The following PTPRC variants were observed in gnomAD, a reference collection of about 807,000 sequenced individuals.
PTPRC encodes the protein receptor-type tyrosine-protein phosphatase C.
In PTPRC, 44 loss-of-function variants were observed where a neutral mutation model predicts 155.9. The ratio of observed to expected loss-of-function variants is 0.28; its 90% confidence interval spans 0.22 to 0.36. The LOEUF (loss-of-function observed/expected upper bound fraction) is 0.36, where lower values mean the gene tolerates loss of function less well. Among genes scored for constraint, PTPRC ranks in the 10% least tolerant of loss-of-function variants. The pLI, the probability that PTPRC is intolerant of heterozygous loss-of-function variation, is 1.00. For missense variants in PTPRC, 1,401 were observed against 1,564.6 expected, an observed-to-expected ratio of 0.90 and a Z score of 1.76; for synonymous variants, 525 against 533.1, an observed-to-expected ratio of 0.98 and a Z score of 0.21.
At chr1:198,642,497 T>A (rs1332731042) in intron 2 of PTPRC, among the ~76,000 whole-genome samples, 2 of 151,884 alleles carry the variant, frequency 1.3e-5, no homozygotes, top group Non-Finnish European at 2.9e-5. Context: ...GCCTACTATG[T>A]GTTGATCACT....
intron 3 of PTPRC, chr1:198,693,990 A>G: frequency 6.5e-7 from 1 of 1,542,652 alleles, no homozygotes; most frequent in Non-Finnish European, 8.7e-7. Context: ...TGATTGACAC[A>G]CAATCACGAG....
At chr1:198,731,594 T>C in intron 17 of PTPRC, 23 bp from the exon 18 acceptor site, 2 of 1,541,042 alleles carry the variant, frequency 1.3e-6, no homozygotes, top group East Asian at 4.5e-5. Flanking sequence ...GTAACTAGTA[T>C]TGAATCTTTA....
At chr1:198,734,119 T>G (rs1303454716) in intron 20 of PTPRC, 77 bp from the exon 21 acceptor site, 3 of 1,399,886 alleles carry the variant, frequency 2.1e-6, no homozygotes, top group South Asian at 2.4e-5. Flanking sequence ...AAGCAATTCC[T>G]CTAACTCACA....
intron 2 of PTPRC, chr1:198,666,932 A>G (rs1164939849): frequency 6.6e-6 from 1 of 152,212 alleles, no homozygotes; most frequent in Non-Finnish European, 1.5e-5. Context: ...GAGTTCTACA[A>G]CTAAAGATCT....
At chr1:198,668,055 T>G (rs186395755) in intron 2 of PTPRC, among the ~76,000 whole-genome samples, 1 of 152,194 alleles carries the variant, frequency 6.6e-6, no homozygotes, top group Non-Finnish European at 1.5e-5. Context: ...TATACTCTCC[T>G]AACAGTAGAA....
intron 2 of PTPRC, among the ~76,000 whole-genome samples, chr1:198,658,486 G>T (rs1464501036): frequency 6.6e-6 from 1 of 152,170 alleles, no homozygotes; most frequent in Non-Finnish European, 1.5e-5. Context: ...GAGACGGAAT[G>T]ATAAGGATAA....
chr1:198,745,102 A>G (rs540785628), intron 26 of PTPRC, among the ~76,000 whole-genome samples: 2 of 151,906 alleles, frequency 1.3e-5, no homozygotes, highest in Non-Finnish European at 2.9e-5. Flanking sequence ...TAATCCACAT[A>G]AACACATAAG....
chr1:198,712,205 T>C (rs1653346954), intron 11 of PTPRC, among the ~76,000 whole-genome samples: 1 of 152,222 alleles, frequency 6.6e-6, no homozygotes, highest in Non-Finnish European at 1.5e-5. Context: ...CTTCAGAACA[T>C]TACATTGAGT....
chr1:198,677,234 A>G (rs1479193965), intron 2 of PTPRC, among the ~76,000 whole-genome samples: 1 of 152,182 alleles, frequency 6.6e-6, no homozygotes, highest in Non-Finnish European at 1.5e-5. Flanking sequence ...TCCACTCTGC[A>G]TTCCACAAAT....
intron 6 of PTPRC, among the ~76,000 whole-genome samples, chr1:198,702,828 A>C (rs1325799297): frequency 1.3e-5 from 2 of 152,226 alleles, no homozygotes; most frequent in South Asian, 2.1e-4. Flanking sequence ...AGCTGATTAC[A>C]GGGCAAATTA....
chr1:198,663,854 C>T (rs1664125698), intron 2 of PTPRC, among the ~76,000 whole-genome samples: 1 of 152,000 alleles, frequency 6.6e-6, no homozygotes, highest in South Asian at 2.1e-4. Context: ...TTATTATTTT[C>T]ATTGTTATGC....
At chr1:198,687,541 G>C (rs1665694909) in intron 2 of PTPRC, among the ~76,000 whole-genome samples, 1 of 151,238 alleles carries the variant, frequency 6.6e-6, no homozygotes, top group African/African-American at 2.4e-5. Flanking sequence ...ATATATAAAG[G>C]CATTCTCCAC....
chr1:198,748,219 A>AT lies in PTPRC; in HGVS notation c.2938+26dup, dbSNP rs752773344. 1,235 of 1,586,414 alleles carry AT rather than the reference A, an allele frequency of 7.8e-4. 2 individuals are homozygous for AT. Among genetic ancestry groups the AT allele is most frequent in the Middle Eastern group, 1.6e-3 (7 of 4,504 alleles). On this transcript the variant is annotated intron_variant, in intron 27 of 32. Transcript: ENST00000442510. ...TCCCATGTATGTAGTTTATTTTTTT[A>AT]TTTTTTGTATCAGATAAAGTTAAGC...
rs1654440888 is a variant in PTPRC at position 198,732,498 on chromosome 1, A to G, written c.2084A>G (p.Glu695Gly). Residue 695 changes from glutamate to glycine, a missense_variant, in exon 20 of 33, where the codon GAA (glutamate) becomes GGA (glycine). Around this residue, in one of 3 missense-constraint regions of PTPRC, gnomAD observed 867 missense variants for 970.4 expected, o/e 0.89. Transcript: ENST00000442510. Reference protein sequence around the residue: ...DILPYDYNRVELSEINGDAGS... With the variant: ...DILPYDYNRVGLSEINGDAGS... ...TAAACAGATGATTATAACCGTGTTG[A>G]ACTCTCTGAGATAAACGGAGATGCA... is the stretch of plus-strand genomic sequence containing the variant. 6.2e-7 allele frequency: 1 copy of G among 1,611,096 alleles called. No homozygotes were observed. The highest frequency in any genetic ancestry group is 1.3e-5 in the African/African-American group (1 of 74,790).
intron 2 of PTPRC, among the ~76,000 whole-genome samples, chr1:198,673,355 C>A (rs1306773012): frequency 6.6e-6 from 1 of 152,142 alleles, no homozygotes; most frequent in Admixed American, 6.5e-5. Context: ...TGAATGATCT[C>A]ACACAAGTTA....
At chr1:198,658,380 T>C (rs1476399602) in intron 2 of PTPRC, among the ~76,000 whole-genome samples, 1 of 152,118 alleles carries the variant, frequency 6.6e-6, no homozygotes, top group East Asian at 1.9e-4. Flanking sequence ...TGAGTATTAT[T>C]TTATTATGTT....
At chr1:198,710,781 C>T (rs1653257724) in intron 11 of PTPRC, among the ~76,000 whole-genome samples, 1 of 152,224 alleles carries the variant, frequency 6.6e-6, no homozygotes, top group Admixed American at 6.5e-5. Flanking sequence ...TGCAGTCTGT[C>T]ACATTACTGA....
intron 2 of PTPRC, among the ~76,000 whole-genome samples, chr1:198,689,386 A>T (rs1319054894): frequency 1.3e-5 from 2 of 152,194 alleles, no homozygotes; most frequent in Non-Finnish European, 2.9e-5. Context: ...TGGTAAACAG[A>T]TGATGAATTA....
At chr1:198,723,642 G>A (rs932078662) in intron 15 of PTPRC, among the ~76,000 whole-genome samples, 1 of 152,094 alleles carries the variant, frequency 6.6e-6, no homozygotes, top group Non-Finnish European at 1.5e-5. Flanking sequence ...AGACTCAGCT[G>A]AACATTCACA....
Sources: allele counts gnomAD v4.1 joint callset (sites outside exome capture counted in the v4.1 genomes callset), GRCh38; gene constraint gnomAD v4.1.1; regional missense constraint gnomAD v4.1.1; transcripts MANE v1.5; gene names NCBI Gene and HGNC (gene_info 2026-07-23, HGNC 2026-07-21).